BCKDHB: variants seen among roughly 807,000 people sequenced by gnomAD.
The protein encoded by BCKDHB is branched chain keto acid dehydrogenase E1 subunit beta, also known as 2-oxoisovalerate dehydrogenase subunit beta, mitochondrial.
Under a neutral mutation model 48.5 loss-of-function variants are expected in BCKDHB, and 41 were observed. That is an observed-to-expected ratio of 0.85 (90% confidence interval 0.66 to 1.10). BCKDHB has a LOEUF of 1.10. Among genes scored for constraint, BCKDHB ranks in the 50% least tolerant of loss-of-function variants. The probability of loss-of-function intolerance (pLI) is 0.00; values close to 1 mark genes in which losing one functional copy is unlikely to be tolerated. For synonymous variants in BCKDHB, 201 were observed against 174.8 expected (o/e 1.15, Z -1.18); for missense variants, 496 against 494.2 (o/e 1.00, Z -0.03).
At chr6:80,442,394 CAT>C in the BCKDHB span, among the ~76,000 whole-genome samples, 4 of 152,224 alleles carry the variant, frequency 2.6e-5, no homozygotes, top group African/African-American at 9.6e-5. Context: ...ACTAAATTAT[CAT>C]ATCAGTTTTT....
At chr6:80,421,446 G>A in the BCKDHB span, among the ~76,000 whole-genome samples, 26 of 152,218 alleles carry the variant, frequency 1.7e-4, no homozygotes, top group Non-Finnish European at 3.2e-4. Context: ...ACCTGAAAAG[G>A]TGGAAGCAAC....
chr6:80,261,456 C>T (rs1177762423), intron 8 of BCKDHB, among the ~76,000 whole-genome samples: 2 of 151,898 alleles, frequency 1.3e-5, no homozygotes, highest in Non-Finnish European at 2.9e-5. Context: ...TGCTTCTTGT[C>T]CCTGTATTTT....
chr6:80,202,744 CCTCTT>C (rs1774454189), intron 7 of BCKDHB, among the ~76,000 whole-genome samples: 1 of 140,844 alleles, frequency 7.1e-6, no homozygotes, highest in Non-Finnish European at 1.6e-5. Context: ...TCCTTCCTCT[CCTCTT>C]GGTCCATTTT....
chr6:80,315,810 T>C (rs182173388), intron 9 of BCKDHB, among the ~76,000 whole-genome samples: 75 of 152,060 alleles, frequency 4.9e-4, no homozygotes, highest in Admixed American at 1.3e-3. Flanking sequence ...AAAATGAGGC[T>C]CTTAGTAGTT....
At position 80,167,802 on chromosome 6, in the gene BCKDHB, A is replaced by C. The variant is rs749766896; in HGVS notation, c.468A>C (p.Ala156=). The change falls in exon 4 of 10, where the codon GCA becomes GCC. Residue 156 remains alanine (A), a synonymous_variant. Transcript: ENST00000320393. ...AGTTTGCAGATTATATTTTCCCTGC[A>C]TTTGATCAGGTAAGTGAATGAACAT... is the stretch of plus-strand genomic sequence containing the variant. The part of the protein sequence containing the change: ...EIQFADYIFP[A]FDQIVNEAAK... 6 of 1,613,802 alleles carry C rather than the reference A, an allele frequency of 3.7e-6. No homozygotes were observed. The South Asian group carries it at 5.5e-5, about 15-fold the overall frequency.
intron 9 of BCKDHB, among the ~76,000 whole-genome samples, chr6:80,305,193 A>C (rs1767799039): frequency 6.6e-6 from 1 of 152,144 alleles, no homozygotes; most frequent in East Asian, 1.9e-4. Context: ...TGAAAATAAA[A>C]ACTTTAAAAA....
chr6:80,162,684 C>G (rs555366110), intron 3 of BCKDHB, among the ~76,000 whole-genome samples: 34 of 152,154 alleles, frequency 2.2e-4, no homozygotes, highest in African/African-American at 7.9e-4. Context: ...AACCCCATCT[C>G]TACGAAAAAT....
At chr6:80,218,349 T>C (rs78992438) in intron 8 of BCKDHB, among the ~76,000 whole-genome samples, 437 of 152,246 alleles carry the variant, frequency 2.9e-3, no homozygotes, top group African/African-American at 9.9e-3. Context: ...ACTATCAAAA[T>C]GTGGAGAATA....
At chr6:80,171,916 CT>C (rs1772938036) in intron 6 of BCKDHB, among the ~76,000 whole-genome samples, 1 of 152,078 alleles carries the variant, frequency 6.6e-6, no homozygotes, top group South Asian at 2.1e-4. Flanking sequence ...ACATCTGTGA[CT>C]GCTAATTTCT....
At position 80,106,684 on chromosome 6, in the gene BCKDHB, G is replaced by C. The variant is rs768800966; in HGVS notation, c.-10G>C. 2 of 1,551,970 alleles carry C rather than the reference G, an allele frequency of 1.3e-6. No homozygotes were observed. Among genetic ancestry groups the C allele is most frequent in the South Asian group, 1.2e-5 (1 of 84,282 alleles). ...GCTGCATAGCCTGAGAATCCCGGTG[G>C]TGAGCGGGGATGGCGGTTGTAGCGG... On this transcript the variant is annotated 5_prime_UTR_variant, in exon 1 of 10. Transcript: ENST00000320393.
chr6:80,294,825 C>T (rs905748613), intron 9 of BCKDHB, among the ~76,000 whole-genome samples: 3 of 151,752 alleles, frequency 2.0e-5, no homozygotes, highest in Non-Finnish European at 4.4e-5. Flanking sequence ...AACATAGACC[C>T]TTATCAGTAG....
At chr6:80,150,242 A>G (rs182264660) in intron 3 of BCKDHB, among the ~76,000 whole-genome samples, 16 of 151,992 alleles carry the variant, frequency 1.1e-4, no homozygotes, top group South Asian at 4.2e-4. Flanking sequence ...ACTATTGTCT[A>G]TTTCCATCTA....
chr6:80,172,377 A>G (rs1470035796), intron 6 of BCKDHB, among the ~76,000 whole-genome samples: 1 of 152,098 alleles, frequency 6.6e-6, no homozygotes, highest in Non-Finnish European at 1.5e-5. Context: ...ACAACTGTAC[A>G]ATATTAGAAC....
At chr6:80,343,567 A>G (rs1424196048) in intron 9 of BCKDHB, 97 bp from the exon 10 acceptor site, 25 of 1,332,366 alleles carry the variant, frequency 1.9e-5, no homozygotes, top group Non-Finnish European at 2.7e-5. Flanking sequence ...CTTAGATGCA[A>G]TTGTATTTTT....
intron 9 of BCKDHB, among the ~76,000 whole-genome samples, chr6:80,326,388 A>G (rs9448923): frequency 0.044 from 6,732 of 152,156 alleles, 500 homozygotes; most frequent in African/African-American, 0.15. Context: ...TTGTTGACCT[A>G]TGAAATTCTG....
intron 8 of BCKDHB, among the ~76,000 whole-genome samples, chr6:80,258,154 A>G (rs1317031393): frequency 6.6e-6 from 1 of 152,182 alleles, no homozygotes; most frequent in Admixed American, 6.5e-5. Flanking sequence ...TTTTTATCAT[A>G]GAATTTTGCT....
intron 8 of BCKDHB, among the ~76,000 whole-genome samples, chr6:80,232,629 G>A (rs1180097075): frequency 6.8e-6 from 1 of 147,610 alleles, no homozygotes; most frequent in Non-Finnish European, 1.5e-5. Context: ...TCTCCTTATG[G>A]TATGGTTACT....
chr6:80,279,482 A>T (rs1778110184), intron 9 of BCKDHB, among the ~76,000 whole-genome samples: 1 of 151,980 alleles, frequency 6.6e-6, no homozygotes, highest in Non-Finnish European at 1.5e-5. Flanking sequence ...CTTTGTCTCC[A>T]GCTGTTCACC....
the BCKDHB span, among the ~76,000 whole-genome samples, chr6:80,376,418 CT>C: frequency 2.0e-5 from 3 of 152,154 alleles, no homozygotes; most frequent in Admixed American, 2.0e-4. Flanking sequence ...GGGCTGAGAA[CT>C]TGGCCCAGGC....
Sources: allele counts gnomAD v4.1 joint callset (sites outside exome capture counted in the v4.1 genomes callset), GRCh38; gene constraint gnomAD v4.1.1; transcripts MANE v1.5; gene names NCBI Gene and HGNC (gene_info 2026-07-23, HGNC 2026-07-21).